TMEM140: variants seen among roughly 807,000 people sequenced by gnomAD.
TMEM140 encodes the protein transmembrane protein 140.
For missense variants in TMEM140, 236 were observed against 228.5 expected (o/e 1.03, Z -0.21); for synonymous variants, 107 against 106.8 (o/e 1.00, Z -0.01).
chr7:135,158,248 C>T (rs1829843340), intron 1 of TMEM140, among the ~76,000 whole-genome samples: 1 of 152,218 alleles, frequency 6.6e-6, no homozygotes, highest in African/African-American at 2.4e-5. Context: ...TCAGTCTCAA[C>T]AGCAGCATGT....
chr7:135,160,748 C>A lies in TMEM140; in HGVS notation c.-24-3670C>A, dbSNP rs199640862. On this transcript the variant is annotated intron_variant, in intron 1 of 1. Coordinates refer to ENST00000275767, the MANE Select transcript of TMEM140 (RefSeq NM_018295.5). ...CATTCGCTCATTTAAAAAAAAAAAA[C>A]AAAAAAAAGAGCCCCTACTGTGTAT... 3.4e-3 allele frequency among the ~76,000 whole-genome samples: 471 copies of A among 137,576 alleles called. 1 individual carries two copies. Among genetic ancestry groups the A allele is most frequent in the African/African-American group, 0.011 (425 of 38,072 alleles). 90.3% of individuals were successfully genotyped at this position (137,576 alleles called of 152,430 possible). A position where few individuals can be genotyped will look rare whatever the true frequency, so the allele number is the denominator to read the frequency against.
chr7:135,156,949 C>T (rs1829810455), intron 1 of TMEM140, among the ~76,000 whole-genome samples: 1 of 152,196 alleles, frequency 6.6e-6, no homozygotes, highest in Non-Finnish European at 1.5e-5. Context: ...ATCAGGGTTT[C>T]TGCTTTTGCT....
intron 1 of TMEM140, among the ~76,000 whole-genome samples, chr7:135,152,027 G>C (rs1829677221): frequency 6.6e-6 from 1 of 152,218 alleles, no homozygotes; most frequent in African/African-American, 2.4e-5. Context: ...CTGAGCCTCA[G>C]TTTTCTCTCT....
At position 135,161,883 on chromosome 7, in the gene TMEM140, G is replaced by A. The variant is rs563785974; in HGVS notation, c.-24-2535G>A. ...TGGGCTTCTCTGGAGCAGAAGCCAC[G>A]GGCAGAACTGGGCAGACTGCCCAGT... On this transcript the variant is annotated intron_variant, in intron 1 of 1. Transcript: ENST00000275767. This position sits in a 1 kb window ranked among gnomAD's most constrained non-coding sequence, Gnocchi z 4.1. Among the ~76,000 whole-genome samples, 149 of 152,276 alleles carry A rather than the reference G, an allele frequency of 9.8e-4. 1 individual carries two copies. The highest frequency in any genetic ancestry group is 3.4e-3 in the African/African-American group (141 of 41,568).
At chr7:135,150,168 T>G (rs1412132819) in intron 1 of TMEM140, among the ~76,000 whole-genome samples, 2 of 152,202 alleles carry the variant, frequency 1.3e-5, no homozygotes, top group African/African-American at 4.8e-5. Context: ...GATGAGGACC[T>G]AAAATAGTTT....
rs1326644563 is a variant in TMEM140, at chr7:135,151,945, G to A, written c.-25+3675G>A. 1.3e-5 allele frequency among the ~76,000 whole-genome samples: 2 copies of A among 152,130 alleles called. No homozygotes were observed. The highest frequency in any genetic ancestry group is 1.3e-4 in the Admixed American group (2 of 15,270). On this transcript the variant is annotated intron_variant, in intron 1 of 1. Coordinates refer to ENST00000275767, the MANE Select transcript of TMEM140 (RefSeq NM_018295.5). The surrounding 1 kb of genome is among the most constrained non-coding windows in gnomAD (Gnocchi z 4.3). ...CCAGCTTCCTAGAGTTCATCTCTGG[G>A]AATGAACCCTGGCACTATTTGTCTT... is the stretch of plus-strand genomic sequence containing the variant.
chr7:135,164,722 C>T lies in TMEM140; in HGVS notation c.281C>T (p.Thr94Ile), dbSNP rs1346842233. ...GGCGTGTACGGGTCCCTGGTCCTCACCCTCTTTGCCCCCCAGCCTCTCCTC... is the reference window on the plus strand; with the variant it reads ...GGCGTGTACGGGTCCCTGGTCCTCATCCTCTTTGCCCCCCAGCCTCTCCTC... ...RLGVYGSLVL[T>I]LFAPQPLLLA... is the part of the protein sequence containing the mutation. The change falls in exon 2 of 2, where the codon ACC (threonine) becomes ATC (isoleucine). Residue 94 changes from threonine to isoleucine, a missense_variant. Thr to Ile is a moderately conservative substitution (Grantham distance 89). Coordinates refer to ENST00000275767, the MANE Select transcript of TMEM140 (RefSeq NM_018295.5). 1.2e-6 allele frequency: 2 copies of T among 1,614,234 alleles called. No homozygotes were observed. Among genetic ancestry groups the T allele is most frequent in the South Asian group, 2.2e-5 (2 of 91,088 alleles).
At position 135,165,019 on chromosome 7, in the gene TMEM140, G is replaced by T; in HGVS notation, c.*20G>T. 6.5e-7 allele frequency: 1 copy of T among 1,550,098 alleles called. No homozygotes were observed. The highest frequency in any genetic ancestry group is 1.7e-4 in the Middle Eastern group (1 of 5,760). On this transcript the variant is annotated 3_prime_UTR_variant, in exon 2 of 2. Coordinates refer to ENST00000275767, the MANE Select transcript of TMEM140 (RefSeq NM_018295.5). ...TGCTAAAGGCTTACGTGATTGCAAG[G>T]GTTCAGTTCCAACCATGGTCAGAGG... is the stretch of plus-strand genomic sequence containing the variant.
Position 135,164,447 on chromosome 7 carries a change from C to T in TMEM140, c.6C>T (p.Ala2=), listed in dbSNP as rs145457881. Reference sequence around the variant, plus strand: ...CCCGGCAGAGGGCAGTAGAGATGGCCGGCCCAAGGCCTCGGTGGCGCGACC... The same window carrying T: ...CCCGGCAGAGGGCAGTAGAGATGGCTGGCCCAAGGCCTCGGTGGCGCGACC... The part of the protein sequence containing the change: M[A]GPRPRWRDQL... The change falls in exon 2 of 2, where the codon GCC becomes GCT. Residue 2 remains alanine (A), a synonymous_variant. Coordinates refer to ENST00000275767, the MANE Select transcript of TMEM140 (RefSeq NM_018295.5). 1.3e-4 allele frequency: 204 copies of T among 1,597,022 alleles called. 1 individual carries two copies. Among genetic ancestry groups the T allele is most frequent in the Middle Eastern group, 1.0e-3 (6 of 6,022 alleles).
Position 135,164,767 on chromosome 7 carries a change from A to C in TMEM140, c.326A>C (p.Asp109Ala). The C allele has an allele frequency of 6.2e-7, 1 of 1,614,164 alleles. No individual in the cohort carries two copies. Among genetic ancestry groups the C allele is most frequent in the Non-Finnish European group, 8.5e-7 (1 of 1,180,000 alleles). The change falls in exon 2 of 2, where the codon GAT (aspartate) becomes GCT (alanine). Residue 109 changes from aspartate (D) to alanine (A), a missense_variant. By Grantham distance (126) the Asp-to-Ala change is moderately radical. Coordinates refer to ENST00000275767, the MANE Select transcript of TMEM140 (RefSeq NM_018295.5). ...QPLLLAQCNS[D>A]ERAWRLAVGF... Reference sequence around the variant, plus strand: ...CTCCTCCTAGCCCAGTGCAACAGTGATGAGAGAGCGTGGCGGCTGGCAGTG... The same window carrying C: ...CTCCTCCTAGCCCAGTGCAACAGTGCTGAGAGAGCGTGGCGGCTGGCAGTG...
chr7:135,161,369 A>T lies in TMEM140; in HGVS notation c.-24-3049A>T, dbSNP rs929845863. ...TTGGAACCCCAGTGTAACAGAATTCAAATGGGAAAAGTGAGAGGGAGTGTT... is the reference window on the plus strand; with the variant it reads ...TTGGAACCCCAGTGTAACAGAATTCTAATGGGAAAAGTGAGAGGGAGTGTT... On this transcript the variant is annotated intron_variant, in intron 1 of 1. Transcript: ENST00000275767. This position sits in a 1 kb window ranked among gnomAD's most constrained non-coding sequence, Gnocchi z 4.1. Among the ~76,000 whole-genome samples the T allele has an allele frequency of 6.6e-6, 1 of 152,210 alleles. No homozygotes were observed. Among genetic ancestry groups the T allele is most frequent in the Non-Finnish European group, 1.5e-5 (1 of 68,034 alleles).
intron 1 of TMEM140, among the ~76,000 whole-genome samples, chr7:135,155,236 G>A (rs1829761587): frequency 6.6e-6 from 1 of 152,090 alleles, no homozygotes; most frequent in Non-Finnish European, 1.5e-5. Flanking sequence ...TTATGGGTAA[G>A]GTTAGTTTCT....
rs150750846 is a variant in TMEM140, at chr7:135,164,198, GA to G, written c.-24-219del. On this transcript the variant is annotated intron_variant, in intron 1 of 1. Coordinates refer to ENST00000275767, the MANE Select transcript of TMEM140 (RefSeq NM_018295.5). ...CACACTTTCAAAGCTGCTTGGGAGA[GA>G]CTTTTCCTCCTGACCTCAAATCAGA... Among the ~76,000 whole-genome samples the G allele has an allele frequency of 3.8e-4, 58 of 152,358 alleles. No individual in the cohort carries two copies. The East Asian group carries it at 0.01, about 27-fold the overall frequency.
chr7:135,163,071 C>T (rs1280458437), intron 1 of TMEM140, among the ~76,000 whole-genome samples: 1 of 152,212 alleles, frequency 6.6e-6, no homozygotes, highest in African/African-American at 2.4e-5. Context: ...ACGATTCACA[C>T]AGCGTCTTCA....
rs1046374424 is a variant in TMEM140, at chr7:135,165,098, A to G, written c.*99A>G. ...ACAGCTAACGCTGATCTCCAGCTCC[A>G]GCGATGGAACCCACTACAGAGGAGG... On this transcript the variant is annotated 3_prime_UTR_variant, in exon 2 of 2. Coordinates refer to ENST00000275767, the MANE Select transcript of TMEM140 (RefSeq NM_018295.5). 3 of 1,412,584 alleles carry G rather than the reference A, an allele frequency of 2.1e-6. No individual in the cohort carries two copies. In the African/African-American group the frequency reaches 4.3e-5, roughly 20 times the overall value. 87.5% of individuals were successfully genotyped at this position (1,412,584 alleles called of 1,614,324 possible).
In TMEM140 at chr7:135,150,910, T is replaced by C. The variant is rs375043142; in HGVS notation, c.-25+2640T>C. Among the ~76,000 whole-genome samples the C allele has an allele frequency of 1.2e-4, 18 of 152,324 alleles. No individual in the cohort carries two copies. The East Asian group carries it at 3.3e-3, about 28-fold the overall frequency. ...GTAGACATTTTCTCATTTTTAAGGA[T>C]TTTCTTCTCCCTCTAAACTTTTTGT... On this transcript the variant is annotated intron_variant, in intron 1 of 1. Coordinates refer to ENST00000275767, the MANE Select transcript of TMEM140 (RefSeq NM_018295.5).
chr7:135,153,217 A>C (rs527880764), intron 1 of TMEM140: 1 of 152,386 alleles, frequency 6.6e-6, no homozygotes, highest in Non-Finnish European at 1.5e-5. Flanking sequence ...GCACCTTCAG[A>C]GGCCAAGGTG....
intron 1 of TMEM140, among the ~76,000 whole-genome samples, chr7:135,155,973 T>C (rs1006494240): frequency 1.3e-5 from 2 of 152,206 alleles, no homozygotes; most frequent in Non-Finnish European, 2.9e-5. Context: ...AGGACTTTAT[T>C]TCTCCTTTTA....
At chr7:135,156,188 C>A (rs1418365516) in intron 1 of TMEM140, among the ~76,000 whole-genome samples, 2 of 152,154 alleles carry the variant, frequency 1.3e-5, no homozygotes, top group East Asian at 3.9e-4. Context: ...CTTTCTTTCA[C>A]TTGACTTCAG....
Sources: allele counts gnomAD v4.1 joint callset (sites outside exome capture counted in the v4.1 genomes callset), GRCh38; gene constraint gnomAD v4.1.1; non-coding constraint Gnocchi (gnomAD v3.1); transcripts MANE v1.5; gene names NCBI Gene and HGNC (gene_info 2026-07-23, HGNC 2026-07-21).